Variants in ERC2 observed in about 807,000 individuals in gnomAD.
The protein encoded by ERC2 is ERC protein 2.
ERC2 carries 42 observed loss-of-function variants against 114.8 expected under a neutral mutation model. The ratio of observed to expected loss-of-function variants is 0.37; its 90% confidence interval spans 0.29 to 0.47. ERC2 has a LOEUF of 0.47. Among genes scored for constraint, ERC2 ranks in the 20% least tolerant of loss-of-function variants. ERC2 has a pLI of 0.99. For synonymous variants in ERC2, 454 were observed against 425.5 expected (o/e 1.07, Z -0.82); for missense variants, 939 against 1,150.7 (o/e 0.82, Z 2.66).
In ERC2 at chr3:55,951,749, C is replaced by T. The variant is rs144521221; in HGVS notation, c.2268-1189G>A. On this transcript the variant is annotated intron_variant, in intron 12 of 17. Coordinates refer to ENST00000288221, the MANE Select transcript of ERC2 (RefSeq NM_015576.3). ...TGCCAGGTCAACCACTGTTACTGAG[C>T]CCTGACTCAGTAAAAAACATACTGA... Among the ~76,000 whole-genome samples the T allele has an allele frequency of 2.5e-3, 386 of 152,072 alleles. 1 individual carries two copies. The highest frequency in any genetic ancestry group is 9.0e-3 in the African/African-American group (372 of 41,482).
At chr3:55,770,544 CT>C (rs1382126830) in intron 14 of ERC2, among the ~76,000 whole-genome samples, 1 of 152,160 alleles carries the variant, frequency 6.6e-6, no homozygotes, top group Non-Finnish European at 1.5e-5. Flanking sequence ...TCACTATTTC[CT>C]ACCATCTTTC....
At chr3:55,818,860 T>C in intron 14 of ERC2, among the ~76,000 whole-genome samples, 1 of 152,234 alleles carries the variant, frequency 6.6e-6, no homozygotes, top group Non-Finnish European at 1.5e-5. Flanking sequence ...CGTTTAATAT[T>C]TTCTAATGGA....
intron 6 of ERC2, among the ~76,000 whole-genome samples, chr3:56,129,827 T>C (rs1025119358): frequency 6.6e-6 from 1 of 152,132 alleles, no homozygotes. Flanking sequence ...CCCAAAACAA[T>C]GGACACAGAT....
chr3:56,201,431 C>A (rs1263456317), intron 3 of ERC2, among the ~76,000 whole-genome samples: 1 of 152,162 alleles, frequency 6.6e-6, no homozygotes, highest in African/African-American at 2.4e-5. Context: ...AAACTTTATT[C>A]CAAGGAGTGT....
At chr3:56,113,422 A>T (rs2149835505) in intron 6 of ERC2, among the ~76,000 whole-genome samples, 1 of 152,322 alleles carries the variant, frequency 6.6e-6, no homozygotes, top group Non-Finnish European at 1.5e-5. Flanking sequence ...GTTGAGCAAG[A>T]ATGTAGGAAA....
At position 55,699,460 on chromosome 3, in the gene ERC2, T is replaced by C. The variant is rs78776564; in HGVS notation, c.2765A>G (p.His922Arg). The C allele has an allele frequency of 9.7e-4, 1,558 of 1,613,654 alleles. 8 individuals carry two copies. In the African/African-American group the frequency reaches 0.016, roughly 17 times the overall value. ...MADNYDDDHH[H>R]YHHHHHHHHH... ...GTGGTGATGGTGGTGGTGGTGGTAA[T>C]GGTGATGGTCATCATCATAGTTGTC... Residue 922 changes from histidine (H) to arginine (R), a missense_variant, in exon 16 of 18, where the codon CAT becomes CGT. Physicochemically the swap from His to Arg is conservative, Grantham distance 29. This residue lies in a region of ERC2 where 328 missense variants were observed against 353.9 expected (regional missense o/e 0.93). Transcript: ENST00000288221.
At chr3:55,918,340 C>T (rs556999327) in intron 13 of ERC2, among the ~76,000 whole-genome samples, 1 of 152,146 alleles carries the variant, frequency 6.6e-6, no homozygotes, top group Admixed American at 6.6e-5. Context: ...GATCTATGAG[C>T]ATCTGTTTTG....
intron 17 of ERC2, among the ~76,000 whole-genome samples, chr3:55,583,399 T>TCTCCTTCCTTCC (rs2057375197): frequency 1.1e-5 from 1 of 86,978 alleles, no homozygotes; most frequent in African/African-American, 4.4e-5. Flanking sequence ...TCCTTCCTTC[T>TCTCCTTCCTTCC]TTCCTTCCTT....
At chr3:56,293,829 GA>G (rs1438726772) in intron 3 of ERC2, among the ~76,000 whole-genome samples, 1 of 152,132 alleles carries the variant, frequency 6.6e-6, no homozygotes, top group East Asian at 1.9e-4. Flanking sequence ...AACCCAAGAT[GA>G]ATTGTGTTTA....
chr3:56,205,043 T>A (rs2048639157), intron 3 of ERC2, among the ~76,000 whole-genome samples: 1 of 152,150 alleles, frequency 6.6e-6, no homozygotes, highest in Non-Finnish European at 1.5e-5. Context: ...ATAAACTCTT[T>A]TAACACTCCA....
intron 4 of ERC2, among the ~76,000 whole-genome samples, chr3:56,160,298 C>G (rs1379884294): frequency 3.3e-5 from 5 of 152,064 alleles, no homozygotes; most frequent in Admixed American, 1.3e-4. Context: ...CTGTTCATGT[C>G]TTTTGCCTAA....
intron 7 of ERC2, among the ~76,000 whole-genome samples, chr3:56,021,733 A>G (rs1007483017): frequency 1.3e-5 from 2 of 151,834 alleles, no homozygotes; most frequent in Non-Finnish European, 2.9e-5. Context: ...CACCTTCCCC[A>G]CTCAAGTGGA....
At chr3:55,613,896 T>C (rs888787554) in intron 17 of ERC2, among the ~76,000 whole-genome samples, 1 of 143,590 alleles carries the variant, frequency 7.0e-6, no homozygotes, top group Non-Finnish European at 1.5e-5. Context: ...GCAAGGAGAA[T>C]TGCTTGAACT....
intron 14 of ERC2, among the ~76,000 whole-genome samples, chr3:55,810,267 A>G (rs2059664119): frequency 6.6e-6 from 1 of 152,180 alleles, no homozygotes; most frequent in South Asian, 2.1e-4. Flanking sequence ...AATGTCATCA[A>G]CCCAAAATAA....
chr3:56,214,302 C>A (rs957652104), intron 3 of ERC2, among the ~76,000 whole-genome samples: 2 of 151,604 alleles, frequency 1.3e-5, no homozygotes, highest in Non-Finnish European at 2.9e-5. Flanking sequence ...CCTTAAAGGA[C>A]CTGATGGAGC....
At chr3:55,623,823 G>A (rs574074876) in intron 17 of ERC2, among the ~76,000 whole-genome samples, 34 of 152,312 alleles carry the variant, frequency 2.2e-4, no homozygotes, top group African/African-American at 6.5e-4. Flanking sequence ...GTGTGCTCTC[G>A]CCATTGTTCC....
At chr3:55,591,292 G>A (rs1322157930) in intron 17 of ERC2, among the ~76,000 whole-genome samples, 2 of 151,696 alleles carry the variant, frequency 1.3e-5, no homozygotes, top group Admixed American at 1.3e-4. Context: ...CTTCTCTTAG[G>A]ATTGCCTTCT....
rs922222270 is a variant in ERC2 at position 55,694,694 on chromosome 3, T to C, written c.2847+4684A>G. On this transcript the variant is annotated intron_variant, in intron 16 of 17. Coordinates refer to ENST00000288221, the MANE Select transcript of ERC2 (RefSeq NM_015576.3). ...TTCTGAGGTTTCCAGCCCCAAAATA[T>C]TTAGGTTCTTTGCCATTTAGGCCCT... Among the ~76,000 whole-genome samples, 3 of 152,160 alleles carry C rather than the reference T, an allele frequency of 2.0e-5. 1 individual carries two copies. The South Asian group carries it at 6.2e-4, about 32-fold the overall frequency.
At chr3:55,671,844 C>A (rs1157735134) in intron 17 of ERC2, among the ~76,000 whole-genome samples, 1 of 152,070 alleles carries the variant, frequency 6.6e-6, no homozygotes, top group African/African-American at 2.4e-5. Flanking sequence ...ATTCTGTGCA[C>A]CCTAATTCTA....
Sources: gnomAD v4.1 joint callset for allele counts (sites outside exome capture counted in the v4.1 genomes callset) on GRCh38, gnomAD v4.1.1 for gene constraint, gnomAD v4.1.1 regional missense constraint, MANE v1.5 for transcripts, NCBI Gene and HGNC (gene_info 2026-07-23, HGNC 2026-07-21) for gene names.